The following GPC5 variants were observed in gnomAD, a reference collection of about 807,000 sequenced individuals.
The protein encoded by GPC5 is glypican 5, also known as glypican-5.
GPC5 carries 47 observed loss-of-function variants against 53.9 expected under a neutral mutation model. The observed-to-expected ratio is 0.87, with a 90% CI of 0.69 to 1.11. GPC5 has a LOEUF of 1.11. Among genes scored for constraint, GPC5 ranks in the 50% most tolerant of loss-of-function variants. The pLI is 0.00. For synonymous variants in GPC5, 286 were observed against 263.3 expected, an observed-to-expected ratio of 1.09 and a Z score of -0.84; for missense variants, 748 against 713.1, an observed-to-expected ratio of 1.05 and a Z score of -0.56.
At chr13:91,510,356 C>T (rs1402510863) in intron 2 of GPC5, among the ~76,000 whole-genome samples, 1 of 152,086 alleles carries the variant, frequency 6.6e-6, no homozygotes, top group Non-Finnish European at 1.5e-5. Context: ...GAAAACTGAG[C>T]ACAGAAACGT....
At chr13:92,548,094 C>T (rs9523711) in intron 7 of GPC5, among the ~76,000 whole-genome samples, 50,339 of 150,168 alleles carry the variant, frequency 0.34, 8,747 homozygotes, top group Non-Finnish European at 0.39. Flanking sequence ...CCGCCTCAGC[C>T]TCCCAAAGTG....
chr13:91,676,127 A>G (rs913364612), intron 2 of GPC5, among the ~76,000 whole-genome samples: 3 of 151,968 alleles, frequency 2.0e-5, no homozygotes, highest in African/African-American at 7.2e-5. Flanking sequence ...CTGGAGTGCA[A>G]TGGCACAATC....
intron 7 of GPC5, among the ~76,000 whole-genome samples, chr13:92,368,017 C>T (rs1015023894): frequency 6.6e-6 from 1 of 152,138 alleles, no homozygotes; most frequent in Non-Finnish European, 1.5e-5. Flanking sequence ...CAGAGTTTCA[C>T]TCTGTCACCC....
intron 7 of GPC5, among the ~76,000 whole-genome samples, chr13:92,434,908 A>T (rs547494942): frequency 6.6e-6 from 1 of 152,198 alleles, no homozygotes; most frequent in South Asian, 2.1e-4. Context: ...CCATTAAACT[A>T]ATTTGTCCAA....
intron 7 of GPC5, among the ~76,000 whole-genome samples, chr13:92,814,665 A>T (rs1210571687): frequency 4.6e-5 from 7 of 151,604 alleles, no homozygotes; most frequent in African/African-American, 9.7e-5. Context: ...TGTCTCAAAA[A>T]AAAAAATAAA....
At chr13:92,841,828 A>G (rs1471944508) in intron 7 of GPC5, among the ~76,000 whole-genome samples, 1 of 152,056 alleles carries the variant, frequency 6.6e-6, no homozygotes, top group Admixed American at 6.6e-5. Context: ...CGTTGAGTCA[A>G]TTGTTCCAGC....
intron 7 of GPC5, among the ~76,000 whole-genome samples, chr13:92,459,267 A>T (rs183185111): frequency 6.6e-6 from 1 of 152,298 alleles, no homozygotes; most frequent in East Asian, 1.9e-4. Context: ...GACATACTTC[A>T]TATAATGGTA....
chr13:92,417,138 C>T (rs1432406376), intron 7 of GPC5, among the ~76,000 whole-genome samples: 4 of 152,094 alleles, frequency 2.6e-5, no homozygotes, highest in Admixed American at 2.0e-4. Flanking sequence ...TAAAAAAAAT[C>T]ATAAGTCAAA....
At chr13:92,428,065 A>C (rs932936872) in intron 7 of GPC5, among the ~76,000 whole-genome samples, 3 of 152,100 alleles carry the variant, frequency 2.0e-5, no homozygotes, top group African/African-American at 7.2e-5. Flanking sequence ...TTGAGTATTA[A>C]TCAACAAAAA....
At chr13:91,832,300 CT>C (rs55698516) in intron 5 of GPC5, among the ~76,000 whole-genome samples, 11,659 of 122,922 alleles carry the variant, frequency 0.095, 484 homozygotes, top group East Asian at 0.23. Context: ...GCTTTTTTCT[CT>C]TTTTTTTTTT....
At chr13:91,994,018 G>A (rs1032893119) in intron 6 of GPC5, among the ~76,000 whole-genome samples, 1 of 152,146 alleles carries the variant, frequency 6.6e-6, no homozygotes, top group African/African-American at 2.4e-5. Flanking sequence ...TAGTCAGTAT[G>A]TTTTTTACAC....
chr13:92,292,501 C>A (rs959081864), intron 7 of GPC5, among the ~76,000 whole-genome samples: 1 of 152,028 alleles, frequency 6.6e-6, no homozygotes, highest in African/African-American at 2.4e-5. Flanking sequence ...CTATTCATGT[C>A]CTTAGCCCAC....
At chr13:92,526,572 G>A (rs1881290203) in intron 7 of GPC5, among the ~76,000 whole-genome samples, 3 of 151,918 alleles carry the variant, frequency 2.0e-5, no homozygotes, top group South Asian at 2.1e-4. Flanking sequence ...AAGTAAAAAT[G>A]GGAAGACATA....
chr13:92,169,327 C>A (rs925625565), intron 7 of GPC5, among the ~76,000 whole-genome samples: 1 of 152,192 alleles, frequency 6.6e-6, no homozygotes. Flanking sequence ...TACATGTATC[C>A]TGGAACTTAA....
At chr13:91,644,658 G>T (rs957561572) in intron 2 of GPC5, among the ~76,000 whole-genome samples, 5 of 152,172 alleles carry the variant, frequency 3.3e-5, no homozygotes, top group Admixed American at 3.3e-4. Context: ...ATATATGTTT[G>T]ATGGCAGAGC....
rs1199770009 is a variant in GPC5, at chr13:91,693,328, A to G, written c.467A>G (p.Asp156Gly). The G allele has an allele frequency of 6.2e-7, 1 of 1,614,062 alleles. No individual in the cohort carries two copies. Among genetic ancestry groups the G allele is most frequent in the Admixed American group, 1.7e-5 (1 of 60,000 alleles). ...GTGGGGCTGTATTTATTTGGTGCGG[A>G]TGTTAATCCTGAAGAATTTGTAAAC... is the stretch of plus-strand genomic sequence containing the variant. ...TDVGLYLFGA[D>G]VNPEEFVNRF... Residue 156 changes from aspartate to glycine, a missense_variant, in exon 3 of 8, where the codon GAT becomes GGT. Transcript: ENST00000377067.
At chr13:91,598,622 T>C (rs1392199477) in intron 2 of GPC5, among the ~76,000 whole-genome samples, 3 of 152,042 alleles carry the variant, frequency 2.0e-5, no homozygotes, top group South Asian at 2.1e-4. Flanking sequence ...TACAGGAGCA[T>C]TGATTTCATA....
intron 7 of GPC5, among the ~76,000 whole-genome samples, chr13:92,859,275 G>C (rs1879106128): frequency 6.6e-6 from 1 of 151,806 alleles, no homozygotes; most frequent in Non-Finnish European, 1.5e-5. Context: ...AATAACAATA[G>C]AACAAATTAT....
At chr13:92,023,809 C>T (rs1594729501) in intron 6 of GPC5, among the ~76,000 whole-genome samples, 1 of 151,900 alleles carries the variant, frequency 6.6e-6, no homozygotes, top group Non-Finnish European at 1.5e-5. Context: ...TGGGAAATAA[C>T]CTACATTTTA....
Sources: gnomAD v4.1 joint callset for allele counts (sites outside exome capture counted in the v4.1 genomes callset) on GRCh38, gnomAD v4.1.1 for gene constraint, MANE v1.5 for transcripts, NCBI Gene and HGNC (gene_info 2026-07-23, HGNC 2026-07-21) for gene names.